The following SEPTIN3 variants were observed in gnomAD, a reference collection of about 807,000 sequenced individuals.
SEPTIN3 encodes septin 3, also known as neuronal-specific septin-3.
Under a neutral mutation model 45.1 loss-of-function variants are expected in SEPTIN3, and 15 were observed. The observed-to-expected ratio is 0.33, with a 90% CI of 0.22 to 0.51. SEPTIN3 has a LOEUF of 0.51. Ranked by LOEUF, SEPTIN3 falls within the 20% of genes least tolerant of loss-of-function variation. The pLI is 0.97. For missense variants in SEPTIN3, 289 were observed against 457.2 expected (o/e 0.63, Z 3.35); for synonymous variants, 148 against 164.8 (o/e 0.90, Z 0.78).
rs767711980 is a variant in SEPTIN3, at chr22:41,971,634, C to A, written c.142C>A (p.Pro48Thr). 2 of 399,012 alleles carry A rather than the reference C, an allele frequency of 5.0e-6. No homozygotes were observed. The highest frequency in any genetic ancestry group is 8.8e-6 in the Non-Finnish European group (2 of 226,208). The allele number at this position is 399,012 out of a possible 1,614,324, so 24.7% of individuals were successfully genotyped here. ...RLPGGGSPLT[P>T]VLRKTIHLDT... is the part of the protein sequence containing the mutation. The stretch of plus-strand genomic sequence containing the variant: ...CCCTGGAGGAGGGTCCCCCCTCACC[C>A]CCGTCCTCAGGAAGACCATCCATCT... The change falls in exon 2 of 12, where the codon CCC (proline) becomes ACC (threonine). Residue 48 changes from proline (P) to threonine (T), a missense_variant. Transcript: ENST00000644076.
At chr22:41,977,787 C>T (rs2078053958) in intron 2 of SEPTIN3, among the ~76,000 whole-genome samples, 1 of 152,180 alleles carries the variant, frequency 6.6e-6, no homozygotes, top group African/African-American at 2.4e-5. Flanking sequence ...GGTGGGGTCC[C>T]TGGGCCAGAC....
chr22:41,981,752 G>A lies in SEPTIN3; in HGVS notation c.1612G>A (p.Gly538Ser), dbSNP rs1483422688. Residue 538 changes from glycine to serine, a missense_variant, in exon 3 of 12, where the codon GGC becomes AGC. Gly to Ser is a moderately conservative substitution (Grantham distance 56). Around this residue, in one of 3 missense-constraint regions of SEPTIN3, gnomAD observed 200 missense variants for 315.1 expected, o/e 0.63. Transcript: ENST00000644076. ...CATGAGCATCAACTCCAACCTGCTG[G>A]GCTACATCGGCATCGACACCATCAT... Reference protein sequence around the residue: ...KPMSINSNLLGYIGIDTIIEQ... With the variant: ...KPMSINSNLLSYIGIDTIIEQ... The A allele has an allele frequency of 6.2e-7, 1 of 1,613,914 alleles. No homozygotes were observed. Among genetic ancestry groups the A allele is most frequent in the Non-Finnish European group, 8.5e-7 (1 of 1,180,004 alleles).
chr22:41,991,159 G>A (rs2078308827), intron 7 of SEPTIN3, among the ~76,000 whole-genome samples: 1 of 152,116 alleles, frequency 6.6e-6, no homozygotes, highest in African/African-American at 2.4e-5. Flanking sequence ...GACTTAAGTC[G>A]ACCTTGAAAG....
chr22:41,987,420 C>A, intron 5 of SEPTIN3, 133 bp downstream of exon 5: 1 of 1,086,574 alleles, frequency 9.2e-7, no homozygotes, highest in Non-Finnish European at 1.3e-6. Flanking sequence ...CAGGCCAGGG[C>A]CCCTGGGGAG....
chr22:41,979,015 G>T (rs2078078472), intron 2 of SEPTIN3, among the ~76,000 whole-genome samples: 1 of 152,208 alleles, frequency 6.6e-6, no homozygotes, highest in Non-Finnish European at 1.5e-5. Flanking sequence ...ACTTGGGGCT[G>T]GTGGGTGGCT....
Position 41,989,550 on chromosome 22 carries a change from C to T in SEPTIN3, c.2046-17C>T. ...GGGCAAGGTGGCTCTGATGATTCTG[C>T]CTTTTCTGTGCCCCAGCTTGCGACC... is the stretch of plus-strand genomic sequence containing the variant. On this transcript the variant is annotated splice_polypyrimidine_tract_variant and intron_variant, in intron 6 of 11. Transcript: ENST00000644076. 4 of 1,580,542 alleles carry T rather than the reference C, an allele frequency of 2.5e-6. No individual in the cohort carries two copies. Among genetic ancestry groups the T allele is most frequent in the Non-Finnish European group, 3.5e-6 (4 of 1,149,600 alleles).
At chr22:41,981,935 T>A in intron 3 of SEPTIN3, 99 bp downstream of exon 3, 1 of 1,056,890 alleles carries the variant, frequency 9.5e-7, no homozygotes, top group Non-Finnish European at 1.4e-6. Context: ...TCTTCTAAGA[T>A]GAGCTGTTTG....
intron 11 of SEPTIN3, chr22:41,996,187 T>C (rs2078434338): frequency 1.0e-5 from 10 of 985,390 alleles, no homozygotes; most frequent in Non-Finnish European, 1.2e-5. Flanking sequence ...GTCATACATT[T>C]AGGCTTTTCT....
chr22:41,985,085 C>T (rs1348429441), intron 3 of SEPTIN3, among the ~76,000 whole-genome samples: 1 of 150,788 alleles, frequency 6.6e-6, no homozygotes, highest in Non-Finnish European at 1.5e-5. Flanking sequence ...TCGATCTCCT[C>T]CTGACCTCAT....
intron 3 of SEPTIN3, among the ~76,000 whole-genome samples, chr22:41,984,109 C>G (rs2146694202): frequency 6.6e-6 from 1 of 152,278 alleles, no homozygotes; most frequent in Non-Finnish European, 1.5e-5. Flanking sequence ...ACATAATGGT[C>G]TAGGTGACTA....
At chr22:41,982,513 C>CA (rs934933572) in intron 3 of SEPTIN3, among the ~76,000 whole-genome samples, 4 of 147,214 alleles carry the variant, frequency 2.7e-5, no homozygotes, top group African/African-American at 1.0e-4. Context: ...CGCCTCAAAA[C>CA]AAAAAACAAA....
intron 2 of SEPTIN3, among the ~76,000 whole-genome samples, chr22:41,975,978 A>T (rs36088739): frequency 6.6e-6 from 1 of 152,162 alleles, no homozygotes; most frequent in Non-Finnish European, 1.5e-5. Context: ...ATTTAGCTCT[A>T]CACACCTGTC....
At chr22:41,991,771 C>G (rs896897948) in intron 8 of SEPTIN3, 103 bp downstream of exon 8, 2 of 837,608 alleles carry the variant, frequency 2.4e-6, no homozygotes, top group Non-Finnish European at 2.1e-6. Context: ...TGTACTCCCC[C>G]CAACCTTGCC....
chr22:41,972,260 G>C lies in SEPTIN3; in HGVS notation c.768G>C (p.Leu256Phe). The C allele has an allele frequency of 2.5e-6, 1 of 398,924 alleles. No homozygotes were observed. Among genetic ancestry groups the C allele is most frequent in the Admixed American group, 4.4e-5 (1 of 22,718 alleles). 24.7% of individuals were successfully genotyped at this position (398,924 alleles called of 1,614,324 possible). A position where few individuals can be genotyped will look rare whatever the true frequency, so the allele number is the denominator to read the frequency against. ...AAAGGGCCAACACGACTGTGAATTTGACTGCTATGGACACAAGGACAGACG... is the reference window on the plus strand; with the variant it reads ...AAAGGGCCAACACGACTGTGAATTTCACTGCTATGGACACAAGGACAGACG... ...RLQRANTTVN[L>F]TAMDTRTDAA... Residue 256 changes from leucine to phenylalanine, a missense_variant, in exon 2 of 12, where the codon TTG becomes TTC. By Grantham distance (22) the Leu-to-Phe change is conservative (BLOSUM62 0). Around this residue, in one of 3 missense-constraint regions of SEPTIN3, gnomAD observed 200 missense variants for 315.1 expected, o/e 0.63. Coordinates refer to ENST00000644076, the MANE Select transcript of SEPTIN3 (RefSeq NM_001363845.2).
Position 41,994,663 on chromosome 22 carries a change from C to T in SEPTIN3, c.2454C>T (p.His818=). The change falls in exon 11 of 12, where the codon CAC becomes CAT. Residue 818 remains histidine, a synonymous_variant. Coordinates refer to ENST00000644076, the MANE Select transcript of SEPTIN3 (RefSeq NM_001363845.2). This position sits in a 1 kb window ranked among gnomAD's most constrained non-coding sequence, Gnocchi z 4.2. ...QDLKEVTHNI[H]YETYRAKRLN... is the part of the protein sequence containing the mutation. Reference sequence around the variant, plus strand: ...TCAAGGAAGTGACACACAACATCCACTATGAGACTTACAGGGCCAAGCGGC... The same window carrying T: ...TCAAGGAAGTGACACACAACATCCATTATGAGACTTACAGGGCCAAGCGGC... 5.0e-6 allele frequency: 8 copies of T among 1,614,188 alleles called. No homozygotes were observed. Among genetic ancestry groups the T allele is most frequent in the Non-Finnish European group, 6.8e-6 (8 of 1,180,036 alleles).
chr22:41,989,239 G>T (rs958973409), intron 6 of SEPTIN3, among the ~76,000 whole-genome samples: 1 of 152,000 alleles, frequency 6.6e-6, no homozygotes, highest in African/African-American at 2.4e-5. Context: ...CACGCACAAG[G>T]ACATATGAGT....
Position 41,997,096 on chromosome 22 carries a change from G to A in SEPTIN3, c.*129G>A. On this transcript the variant is annotated 3_prime_UTR_variant, in exon 12 of 12. Coordinates refer to ENST00000644076, the MANE Select transcript of SEPTIN3 (RefSeq NM_001363845.2). ...CCTCTCAGCCCTCAGTAGGTGGGAG[G>A]GGCCAGCTGCCTCTTTAGGCCAGTT... 3.3e-6 allele frequency: 5 copies of A among 1,527,788 alleles called. No homozygotes were observed. Among genetic ancestry groups the A allele is most frequent in the Non-Finnish European group, 4.4e-6 (5 of 1,137,500 alleles). 94.6% of individuals were successfully genotyped at this position (1,527,788 alleles called of 1,614,324 possible). A position where few individuals can be genotyped will look rare whatever the true frequency, so the allele number is the denominator to read the frequency against.
In SEPTIN3 at chr22:41,969,681, G is replaced by C. The variant is rs1041983655; in HGVS notation, c.-20+4G>C. 6 of 148,114 alleles carry C rather than the reference G, an allele frequency of 4.1e-5. No homozygotes were observed. The highest frequency in any genetic ancestry group is 1.2e-4 in the African/African-American group (5 of 40,200). The allele number at this position is 148,114 out of a possible 1,614,324, so 9.2% of individuals were successfully genotyped here. A position where few individuals can be genotyped will look rare whatever the true frequency, so the allele number is the denominator to read the frequency against. Reference sequence around the variant, plus strand: ...TCCTTCTTGTCCTCTGATCAAGGTAGGTGTGTAGGGGGGTGGAAGGGTGTG... The same window carrying C: ...TCCTTCTTGTCCTCTGATCAAGGTACGTGTGTAGGGGGGTGGAAGGGTGTG... On this transcript the variant is annotated splice_donor_region_variant and intron_variant, in intron 1 of 11. Coordinates refer to ENST00000644076, the MANE Select transcript of SEPTIN3 (RefSeq NM_001363845.2).
intron 2 of SEPTIN3, among the ~76,000 whole-genome samples, chr22:41,980,456 A>G (rs900473253): frequency 5.9e-5 from 9 of 152,256 alleles, no homozygotes; most frequent in East Asian, 1.9e-4. Flanking sequence ...GCTTCTAAGC[A>G]TCATGTCTCA....
Sources: gnomAD v4.1 joint callset for allele counts (sites outside exome capture counted in the v4.1 genomes callset) on GRCh38, gnomAD v4.1.1 for gene constraint, gnomAD v4.1.1 regional missense constraint, Gnocchi (gnomAD v3.1) non-coding constraint, MANE v1.5 for transcripts, NCBI Gene and HGNC (gene_info 2026-07-23, HGNC 2026-07-21) for gene names.